TMEM145: variants seen among roughly 807,000 people sequenced by gnomAD.
TMEM145 encodes the protein transmembrane protein 145.
TMEM145 carries 46 observed loss-of-function variants against 68.5 expected under a neutral mutation model. The observed-to-expected ratio is 0.67, with a 90% CI of 0.53 to 0.86. The LOEUF (loss-of-function observed/expected upper bound fraction) is 0.86, where lower values mean the gene tolerates loss of function less well. TMEM145 is among the 40% of genes least tolerant of loss of function. The probability of loss-of-function intolerance (pLI) is 0.00; values close to 1 mark genes in which losing one functional copy is unlikely to be tolerated. For synonymous variants in TMEM145, 255 were observed against 280.2 expected (o/e 0.91, Z 0.90); for missense variants, 570 against 645.8 (o/e 0.88, Z 1.27).
intron 10 of TMEM145, 50 bp from the exon 11 acceptor site, chr19:42,316,820 C>T (rs1229121622): frequency 6.2e-7 from 1 of 1,610,194 alleles, no homozygotes; most frequent in Admixed American, 1.7e-5. Flanking sequence ...GGTGCATCCT[C>T]CTCCCTGACG....
At position 42,316,687 on chromosome 19, in the gene TMEM145, C is replaced by T; in HGVS notation, c.753C>T (p.Phe251=). ...CCAAGCTGCTCTTCTCCTCCAGCTT[C>T]CTCATCTTCCTGCTGATGCTTATCC... ...ILAKLLFSSS[F]LIFLLMLILL... Residue 251 remains phenylalanine, a synonymous_variant, in exon 10 of 15, where the codon TTC becomes TTT. Transcript: ENST00000301204. 1 of 1,613,866 alleles carries T rather than the reference C, an allele frequency of 6.2e-7. No individual in the cohort carries two copies. Among genetic ancestry groups the T allele is most frequent in the Admixed American group, 1.7e-5 (1 of 60,016 alleles).
chr19:42,318,046 C>G (rs1212679060), intron 12 of TMEM145, among the ~76,000 whole-genome samples, 165 bp downstream of exon 12: 2 of 152,202 alleles, frequency 1.3e-5, no homozygotes, highest in Non-Finnish European at 2.9e-5. Context: ...ATTACTTTCA[C>G]AAGAAGTGCA....
intron 14 of TMEM145, chr19:42,324,366 C>G: frequency 1.0e-6 from 1 of 984,992 alleles, no homozygotes; most frequent in Non-Finnish European, 1.2e-6. Context: ...GGCGCAGCCT[C>G]CCCCCCACTT....
chr19:42,314,421 C>T (rs2038833857), intron 2 of TMEM145, 30 bp from the exon 3 acceptor site: 2 of 1,614,116 alleles, frequency 1.2e-6, no homozygotes, highest in Middle Eastern at 1.7e-4. Flanking sequence ...GCTGCCCCAG[C>T]TCCCGGTCCC....
intron 14 of TMEM145, among the ~76,000 whole-genome samples, chr19:42,323,997 A>G (rs1165634313): frequency 6.6e-6 from 1 of 150,750 alleles, no homozygotes. Context: ...GCTGTTGCGC[A>G]CACCCCCGCA....
In TMEM145 at chr19:42,317,878, T is replaced by A; in HGVS notation, c.1070T>A (p.Leu357His). 2 of 1,614,072 alleles carry A rather than the reference T, an allele frequency of 1.2e-6. No individual in the cohort carries two copies. Among genetic ancestry groups the A allele is most frequent in the Non-Finnish European group, 1.7e-6 (2 of 1,179,986 alleles). The change falls in exon 12 of 15, where the codon CTC becomes CAC. Residue 357 changes from leucine to histidine, a missense_variant. Coordinates refer to ENST00000301204, the MANE Select transcript of TMEM145 (RefSeq NM_173633.3). ...GTGCCCTTCTTTGCTGCCTATACCC[T>A]CTGGTGAGAATTGGTGGGCCCCAGC... is the stretch of plus-strand genomic sequence containing the variant. ...FYVPFFAAYT[L>H]WFFAVPVMAL...
intron 13 of TMEM145, among the ~76,000 whole-genome samples, chr19:42,322,737 C>G (rs2038922979): frequency 6.6e-6 from 1 of 151,360 alleles, no homozygotes. Context: ...GAATCTTCCT[C>G]TGTCGTCCAG....
rs550219729 is a variant in TMEM145 at position 42,324,370 on chromosome 19, C to T, written c.1402-367C>T. ...TGGCCGAGCCGGGCGCAGCCTCCCC[C>T]CCACTTCCCGCTCGGTTCCCCAAGG... is the stretch of plus-strand genomic sequence containing the variant. On this transcript the variant is annotated intron_variant, in intron 14 of 14. Coordinates refer to ENST00000301204, the MANE Select transcript of TMEM145 (RefSeq NM_173633.3). 147 of 985,386 alleles carry T rather than the reference C, an allele frequency of 1.5e-4. No individual in the cohort carries two copies. In the East Asian group the frequency reaches 5.3e-3, roughly 36 times the overall value. 61.0% of individuals were successfully genotyped at this position (985,386 alleles called of 1,614,324 possible). A position where few individuals can be genotyped will look rare whatever the true frequency, so the allele number is the denominator to read the frequency against.
In TMEM145 at chr19:42,313,864, C is replaced by T. The variant is rs1013462517; in HGVS notation, c.120+368C>T. Among the ~76,000 whole-genome samples, 1 of 151,638 alleles carries T rather than the reference C, an allele frequency of 6.6e-6. No homozygotes were observed. Among genetic ancestry groups the T allele is most frequent in the Non-Finnish European group, 1.5e-5 (1 of 67,896 alleles). On this transcript the variant is annotated intron_variant, in intron 1 of 14. Coordinates refer to ENST00000301204, the MANE Select transcript of TMEM145 (RefSeq NM_173633.3). The surrounding 1 kb of genome is among the most constrained non-coding windows in gnomAD (Gnocchi z 5.1). ...CTCCCGCTCAGGACCGGGAGGGGGC[C>T]GTTTGGAAGATTCCCCCGCGCGGGA... is the stretch of plus-strand genomic sequence containing the variant.
chr19:42,322,708 A>T (rs978322592), intron 13 of TMEM145, among the ~76,000 whole-genome samples: 11 of 146,260 alleles, frequency 7.5e-5, no homozygotes, highest in South Asian at 4.3e-4. Context: ...TTTATTTTAA[A>T]TTTTTTTTTT....
chr19:42,323,119 T>C (rs969566222), intron 13 of TMEM145, among the ~76,000 whole-genome samples: 2 of 152,230 alleles, frequency 1.3e-5, no homozygotes, highest in Admixed American at 6.5e-5. Context: ...AGTCTATTAG[T>C]TGCTGTCCAA....
chr19:42,314,555 G>C (rs540261857), intron 3 of TMEM145, 27 bp downstream of exon 3: 1 of 1,614,172 alleles, frequency 6.2e-7, no homozygotes, highest in East Asian at 2.2e-5. Flanking sequence ...GGGCATAGGG[G>C]GAGAGGGGAG....
At chr19:42,314,963 G>T in intron 5 of TMEM145, 30 bp from the exon 6 acceptor site, 1 of 1,613,754 alleles carries the variant, frequency 6.2e-7, no homozygotes, top group Non-Finnish European at 8.5e-7. Flanking sequence ...CTTGCCCAGG[G>T]CCCCCCTTAG....
intron 8 of TMEM145, among the ~76,000 whole-genome samples, chr19:42,316,187 T>G (rs1353301836): frequency 8.2e-5 from 5 of 60,820 alleles, no homozygotes; most frequent in African/African-American, 3.4e-4. Context: ...CCTGAGCCCC[T>G]GGGTCTGAAG....
intron 11 of TMEM145, 30 bp downstream of exon 11, chr19:42,316,993 T>G: frequency 6.3e-7 from 1 of 1,594,662 alleles, no homozygotes; most frequent in Non-Finnish European, 8.6e-7. Context: ...GGCCGGGCCC[T>G]GCCTTCCCCT....
intron 12 of TMEM145, among the ~76,000 whole-genome samples, chr19:42,318,260 G>A (rs776888520): frequency 2.6e-5 from 4 of 151,642 alleles, no homozygotes; most frequent in Non-Finnish European, 5.9e-5. Flanking sequence ...CCCAGCTGCT[G>A]GGGAGGCTGA....
intron 14 of TMEM145, 60 bp downstream of exon 14, chr19:42,323,849 C>G: frequency 2.0e-6 from 3 of 1,505,308 alleles, no homozygotes; most frequent in Non-Finnish European, 2.7e-6. Flanking sequence ...AGTACCTGAC[C>G]CCGCTCCCGG....
At chr19:42,317,910 C>A (rs751313399) in intron 12 of TMEM145, 29 bp downstream of exon 12, 1 of 1,612,362 alleles carries the variant, frequency 6.2e-7, no homozygotes, top group African/African-American at 1.3e-5. Context: ...CAGCCTGTCC[C>A]TGCCTCCCTC....
At chr19:42,314,927 C>G (rs765092093) in intron 5 of TMEM145, 66 bp from the exon 6 acceptor site, 1 of 1,613,728 alleles carries the variant, frequency 6.2e-7, no homozygotes, top group Admixed American at 1.7e-5. Context: ...GGACCACCTT[C>G]TCTTTGCCTT....
Sources: gnomAD v4.1 joint callset for allele counts (sites outside exome capture counted in the v4.1 genomes callset) on GRCh38, gnomAD v4.1.1 for gene constraint, Gnocchi (gnomAD v3.1) non-coding constraint, MANE v1.5 for transcripts, NCBI Gene and HGNC (gene_info 2026-07-23, HGNC 2026-07-21) for gene names.